Variants in MECOM observed in about 807,000 individuals in gnomAD.
MECOM encodes histone-lysine N-methyltransferase MECOM.
Under a neutral mutation model 116.3 loss-of-function variants are expected in MECOM, and 13 were observed. The ratio of observed to expected loss-of-function variants is 0.11; its 90% CI spans 0.07 to 0.18. The LOEUF (loss-of-function observed/expected upper bound fraction) is 0.18, where lower values mean the gene tolerates loss of function less well. Ranked by LOEUF, MECOM falls within the 10% of genes least tolerant of loss-of-function variation. MECOM has a pLI of 1.00. For synonymous variants in MECOM, 528 were observed against 535.2 expected, an observed-to-expected ratio of 0.99 and a Z score of 0.19; for missense variants, 1,299 against 1,509.0, an observed-to-expected ratio of 0.86 and a Z score of 2.31.
chr3:169,120,954 A>C lies in MECOM; in HGVS notation c.1132+102T>G, dbSNP rs180977262. 5.7e-6 allele frequency: 7 copies of C among 1,236,778 alleles called. No individual in the cohort carries two copies. The East Asian group carries it at 1.7e-4, about 31-fold the overall frequency. The allele number at this position is 1,236,778 out of a possible 1,614,324, so 76.6% of individuals were successfully genotyped here. On this transcript the variant is annotated intron_variant, in intron 7 of 16. Coordinates refer to ENST00000651503, the MANE Select transcript of MECOM (RefSeq NM_004991.4). ...CTGGATTGGACCATAAATAGCTAACACGGTGACCCTCTAAAGGCCATGTGC... is the reference window on the plus strand; with the variant it reads ...CTGGATTGGACCATAAATAGCTAACCCGGTGACCCTCTAAAGGCCATGTGC...
chr3:169,107,966 T>TTTACTTCTGTGTTGAAACACA lies in MECOM; in HGVS notation c.2578-15_2578-14insTGTGTTTCAACACAGAAGTAA. On this transcript the variant is annotated splice_polypyrimidine_tract_variant and intron_variant, in intron 9 of 16. Coordinates refer to ENST00000651503, the MANE Select transcript of MECOM (RefSeq NM_004991.4). Reference sequence around the variant, plus strand: ...AGGCAGTTGGAACTGGGAGCAAAATTGAAACAAAAACAAAAAATTACTTCT... The same window carrying TTTACTTCTGTGTTGAAACACA: ...AGGCAGTTGGAACTGGGAGCAAAATTTTACTTCTGTGTTGAAACACAGAAACAAAAACAAAAAATTACTTCT... 1 of 1,611,946 alleles carries TTTACTTCTGTGTTGAAACACA rather than the reference T, an allele frequency of 6.2e-7. No individual in the cohort carries two copies.
chr3:169,329,718 G>GA (rs879300402), intron 2 of MECOM, among the ~76,000 whole-genome samples: 6 of 152,176 alleles, frequency 3.9e-5, no homozygotes, highest in Non-Finnish European at 8.8e-5. Context: ...ATTTTTAAGA[G>GA]AAAATTATTT....
At chr3:169,353,884 C>T (rs1726813104) in intron 2 of MECOM, among the ~76,000 whole-genome samples, 1 of 151,708 alleles carries the variant, frequency 6.6e-6, no homozygotes, top group Non-Finnish European at 1.5e-5. Flanking sequence ...ATGACATTTC[C>T]CCCCAGTTCT....
intron 2 of MECOM, among the ~76,000 whole-genome samples, chr3:169,342,004 T>C (rs1190437998): frequency 6.6e-6 from 1 of 152,030 alleles, no homozygotes; most frequent in Admixed American, 6.6e-5. Flanking sequence ...AATAAAATGA[T>C]TTTTTAATAA....
chr3:169,381,836 C>G (rs1017236864), intron 1 of MECOM, among the ~76,000 whole-genome samples: 1 of 152,118 alleles, frequency 6.6e-6, no homozygotes, highest in Admixed American at 6.5e-5. Flanking sequence ...GACTAAAGTA[C>G]AGACAAGAAG....
At chr3:169,238,512 A>G (rs1754379378) in intron 2 of MECOM, among the ~76,000 whole-genome samples, 1 of 152,208 alleles carries the variant, frequency 6.6e-6, no homozygotes, top group African/African-American at 2.4e-5. Context: ...AGCCCTTCAG[A>G]TTAATGTAAG....
intron 1 of MECOM, among the ~76,000 whole-genome samples, chr3:169,457,591 C>G (rs1746742407): frequency 6.6e-6 from 1 of 152,136 alleles, no homozygotes; most frequent in African/African-American, 2.4e-5. Flanking sequence ...AAATGAACCA[C>G]AATCTTCTTT....
chr3:169,219,285 T>A (rs1260248828), intron 2 of MECOM, among the ~76,000 whole-genome samples: 1 of 152,114 alleles, frequency 6.6e-6, no homozygotes, highest in African/African-American at 2.4e-5. Context: ...GGAGGGTGGA[T>A]CACGAGGTCA....
chr3:169,523,369 A>G (rs1330787321), intron 1 of MECOM, among the ~76,000 whole-genome samples: 1 of 152,198 alleles, frequency 6.6e-6, no homozygotes, highest in Non-Finnish European at 1.5e-5. Flanking sequence ...ATCCTCAAGA[A>G]GAATCAGTGC....
chr3:169,548,558 C>T (rs1469080655), intron 1 of MECOM, among the ~76,000 whole-genome samples: 1 of 152,196 alleles, frequency 6.6e-6, no homozygotes, highest in Non-Finnish European at 1.5e-5. Flanking sequence ...AATAAACCTC[C>T]TGCAACATCT....
chr3:169,163,395 T>C (rs1743127376), intron 2 of MECOM, among the ~76,000 whole-genome samples: 1 of 152,126 alleles, frequency 6.6e-6, no homozygotes, highest in Non-Finnish European at 1.5e-5. Context: ...GGCAAGTGGA[T>C]CCTGGGTGAC....
chr3:169,543,190 TGG>T (rs762948589), intron 1 of MECOM, among the ~76,000 whole-genome samples: 3 of 152,216 alleles, frequency 2.0e-5, no homozygotes, highest in Non-Finnish European at 4.4e-5. Flanking sequence ...GGCCATTGAA[TGG>T]GTCATTATTC....
At chr3:169,293,012 T>G (rs1714886756) in intron 2 of MECOM, among the ~76,000 whole-genome samples, 1 of 152,072 alleles carries the variant, frequency 6.6e-6, no homozygotes. Context: ...ATGAAGTGAC[T>G]TATCCAAGAC....
chr3:169,378,307 A>G (rs897350013), intron 2 of MECOM, among the ~76,000 whole-genome samples: 1 of 149,658 alleles, frequency 6.7e-6, no homozygotes, highest in Non-Finnish European at 1.5e-5. Flanking sequence ...TGTATCCTAG[A>G]ACTTAAAGTA....
intron 1 of MECOM, among the ~76,000 whole-genome samples, chr3:169,563,064 CAAA>C (rs34061227): frequency 0.083 from 6,625 of 79,386 alleles, 330 homozygotes; most frequent in East Asian, 0.35. Context: ...AGCTCCATCT[CAAA>C]AAAAAAAAAA....
chr3:169,551,209 A>G (rs1576835810), intron 1 of MECOM, among the ~76,000 whole-genome samples: 1 of 152,130 alleles, frequency 6.6e-6, no homozygotes, highest in East Asian at 1.9e-4. Context: ...TTGATCCTGT[A>G]TATCCTGGCT....
chr3:169,493,215 A>G (rs1560351354), intron 1 of MECOM, among the ~76,000 whole-genome samples: 2 of 152,348 alleles, frequency 1.3e-5, no homozygotes, highest in Non-Finnish European at 2.9e-5. Context: ...CTGGGGCTCA[A>G]GAACAGAACT....
intron 2 of MECOM, among the ~76,000 whole-genome samples, chr3:169,348,586 T>A (rs573375160): frequency 6.6e-6 from 1 of 151,954 alleles, no homozygotes; most frequent in Non-Finnish European, 1.5e-5. Context: ...TAAAGATGAG[T>A]GGTATTAACA....
Position 169,255,136 on chromosome 3 carries a change from A to G in MECOM, c.376-111304T>C, listed in dbSNP as rs576979751. The stretch of plus-strand genomic sequence containing the variant: ...GTTACTATCTCTTCACATTGCTTGC[A>G]TAGACTTTTGTAATTGACAGAAGTA... On this transcript the variant is annotated intron_variant, in intron 2 of 16. Coordinates refer to ENST00000651503, the MANE Select transcript of MECOM (RefSeq NM_004991.4). 1.2e-4 allele frequency among the ~76,000 whole-genome samples: 19 copies of G among 152,322 alleles called. No individual in the cohort carries two copies. The East Asian group carries it at 2.5e-3, about 20-fold the overall frequency.
Sources: gnomAD v4.1 joint callset for allele counts (sites outside exome capture counted in the v4.1 genomes callset) on GRCh38, gnomAD v4.1.1 for gene constraint, MANE v1.5 for transcripts, NCBI Gene and HGNC (gene_info 2026-07-23, HGNC 2026-07-21) for gene names.